The following GOLGA8S variants were observed in gnomAD, a reference collection of about 807,000 sequenced individuals.
The protein encoded by GOLGA8S is golgin A8 family member S, also known as golgin subfamily A member 8S.
GOLGA8S carries 23 observed loss-of-function variants against 58.9 expected under a neutral mutation model. The observed-to-expected ratio is 0.39, with a 90% CI of 0.28 to 0.55. GOLGA8S has a LOEUF of 0.55. Among genes scored for constraint, GOLGA8S ranks in the 20% least tolerant of loss-of-function variants. The pLI is 0.63. For synonymous variants in GOLGA8S, 84 were observed against 195.7 expected (o/e 0.43, Z 4.76); for missense variants, 266 against 514.2 (o/e 0.52, Z 4.67).
At chr15:23,367,776 T>C (rs1382394236), downstream of GOLGA8S, among the ~76,000 whole-genome samples, 2 of 151,916 alleles carry the variant, frequency 1.3e-5, no homozygotes, top group African/African-American at 2.4e-5. Context: ...ATCAGAAACA[T>C]AGAATTTTAA....
downstream of GOLGA8S, chr15:23,365,698 C>G (rs2069909672): frequency 5.8e-6 from 1 of 173,018 alleles, no homozygotes; most frequent in Non-Finnish European, 1.2e-5. Context: ...GAACTGGAAA[C>G]AGCCTTTCCT....
chr15:23,365,673 T>C (rs2069909211), downstream of GOLGA8S: 1 of 179,094 alleles, frequency 5.6e-6, no homozygotes, highest in African/African-American at 2.4e-5. Flanking sequence ...ACATTTAGAG[T>C]TGTTTAAAGG....
At chr15:23,360,759 A>C (rs974798362) in exon 11 of GOLGA8S, 1 of 1,298,256 alleles carries the variant, frequency 7.7e-7, no homozygotes. Flanking sequence ...AAGAAGCATG[A>C]TAAATATCGG....
In GOLGA8S at chr15:23,364,266, C is replaced by G. The variant is rs933230870; in HGVS notation, c.1348-77C>G. 23 of 1,579,082 alleles carry G rather than the reference C, an allele frequency of 1.5e-5. 1 individual carries two copies. The highest frequency in any genetic ancestry group is 2.0e-5 in the Non-Finnish European group (23 of 1,165,548). On this transcript the variant is annotated intron_variant, in intron 15 of 18. Transcript: ENST00000562295. ...AGCTGGCCCATGCCAGGACTCACCT[C>G]CACCTTCTCCATGACTTGAAAATGC...
chr15:23,361,287 A>C (rs575718901), exon 12 of GOLGA8S: 2 of 1,448,304 alleles, frequency 1.4e-6, no homozygotes, highest in African/African-American at 2.8e-5. Context: ...CTGAGGAAGG[A>C]ACTAGAGAGA....
chr15:23,368,061 C>T (rs1431162210), downstream of GOLGA8S, among the ~76,000 whole-genome samples: 1 of 151,802 alleles, frequency 6.6e-6, no homozygotes, highest in East Asian at 1.9e-4. Flanking sequence ...TCTTAATGTT[C>T]TGAAATAAGT....
downstream of GOLGA8S, chr15:23,365,754 C>G (rs141024209): frequency 4.1e-5 from 7 of 168,732 alleles, no homozygotes; most frequent in Non-Finnish European, 7.7e-5. Flanking sequence ...TTTGAGGGAG[C>G]TTTTTAAATC....
chr15:23,359,694 G>T (rs1435687649), intron 8 of GOLGA8S, among the ~76,000 whole-genome samples: 1 of 142,584 alleles, frequency 7.0e-6, no homozygotes, highest in Non-Finnish European at 1.6e-5. Flanking sequence ...GGGACTATTT[G>T]AATGTATTAT....
At chr15:23,368,133 A>T (rs1198104964), downstream of GOLGA8S, among the ~76,000 whole-genome samples, 1 of 151,988 alleles carries the variant, frequency 6.6e-6, no homozygotes. Context: ...AAGGAAAAGC[A>T]GAGAAAGAAA....
chr15:23,356,229 G>A lies in GOLGA8S; in HGVS notation c.49-362G>A, dbSNP rs1481353711. ...ACAGGTGCACTTCTTCACACTAACA[G>A]ACGTGTGAGGATGTATGACTAAACC... On this transcript the variant is annotated intron_variant, in intron 1 of 18. Coordinates refer to ENST00000562295, the Ensembl canonical transcript of GOLGA8S. 1.3e-3 allele frequency among the ~76,000 whole-genome samples: 191 copies of A among 145,290 alleles called. 2 individuals carry two copies. Among genetic ancestry groups the A allele is most frequent in the Non-Finnish European group, 2.3e-3 (145 of 64,392 alleles).
At chr15:23,362,712 C>T (rs1212507732) in intron 13 of GOLGA8S, among the ~76,000 whole-genome samples, 1 of 142,460 alleles carries the variant, frequency 7.0e-6, no homozygotes, top group Non-Finnish European at 1.5e-5. Context: ...TCACTTAGGC[C>T]TGAAGTAAGG....
downstream of GOLGA8S, chr15:23,365,442 T>G (rs1369639949): frequency 2.0e-6 from 1 of 498,734 alleles, no homozygotes; most frequent in African/African-American, 1.9e-5. Flanking sequence ...AAAGACCCAC[T>G]CTTTGCCCAA....
chr15:23,364,050 C>G (rs1452554737), intron 15 of GOLGA8S, among the ~76,000 whole-genome samples: 1 of 136,964 alleles, frequency 7.3e-6, no homozygotes, highest in African/African-American at 2.6e-5. Context: ...TCCGCTGGAG[C>G]TAGTGCCCAG....
intron 4 of GOLGA8S, among the ~76,000 whole-genome samples, chr15:23,358,191 G>C: frequency 1.4e-5 from 2 of 141,040 alleles, no homozygotes; most frequent in Non-Finnish European, 1.5e-5. Flanking sequence ...GCTGGCAGAA[G>C]GGGGGGCCTT....
exon 17 of GOLGA8S, chr15:23,364,537 A>G (rs1359616646): frequency 3.8e-6 from 6 of 1,599,720 alleles, no homozygotes; most frequent in Non-Finnish European, 8.5e-7. Context: ...AAAATCCATC[A>G]CCTTTTATCA....
Position 23,360,587 on chromosome 15 carries a change from G to T in GOLGA8S, c.786+55G>T, listed in dbSNP as rs1245976803. ...TTAGATAGGTCACTGGATCTTTCTG[G>T]GCACCTGTAAAATGGGAATAGTAGA... is the stretch of plus-strand genomic sequence containing the variant. On this transcript the variant is annotated intron_variant, in intron 10 of 18. Coordinates refer to ENST00000562295, the Ensembl canonical transcript of GOLGA8S. The T allele has an allele frequency of 7.9e-6, 8 of 1,017,766 alleles. 1 individual carries two copies. The East Asian group carries it at 1.9e-4, about 24-fold the overall frequency. The allele number at this position is 1,017,766 out of a possible 1,614,324, so 63.0% of individuals were successfully genotyped here.
chr15:23,366,577 C>A (rs182170781), downstream of GOLGA8S: 1 of 152,200 alleles, frequency 6.6e-6, no homozygotes, highest in East Asian at 1.9e-4. Flanking sequence ...CGTGCCTATA[C>A]AATCACAGAG....
At chr15:23,361,450 G>A (rs1234068342) in exon 12 of GOLGA8S, 1 of 776,972 alleles carries the variant, frequency 1.3e-6, no homozygotes, top group East Asian at 2.4e-5. Flanking sequence ...ACAGCTTCAA[G>A]GAGCTGGTGC....
rs2069783296 is a variant in GOLGA8S, at chr15:23,361,109, A to G, written c.875-112A>G. 54 of 1,002,258 alleles carry G rather than the reference A, an allele frequency of 5.4e-5. 5 individuals are homozygous for G. The South Asian group carries it at 6.7e-4, about 12-fold the overall frequency. 62.1% of individuals were successfully genotyped at this position (1,002,258 alleles called of 1,614,324 possible). On this transcript the variant is annotated intron_variant, in intron 11 of 18. Transcript: ENST00000562295. The stretch of plus-strand genomic sequence containing the variant: ...TGAGGCCAAGTTTGAGGAGCCGGAG[A>G]GGAGCTGTGCGCCAAGAGGAGGGTT...
Sources: gnomAD v4.1 joint callset for allele counts (sites outside exome capture counted in the v4.1 genomes callset) on GRCh38, gnomAD v4.1.1 for gene constraint, MANE v1.5 for transcripts, NCBI Gene and HGNC (gene_info 2026-07-23, HGNC 2026-07-21) for gene names.